ZC3H7B: variants seen among roughly 807,000 people sequenced by gnomAD.
ZC3H7B encodes zinc finger CCCH-type containing 7B.
A neutral mutation model predicts 116.0 loss-of-function variants in ZC3H7B; 35 were observed. The ratio of observed to expected loss-of-function variants is 0.30; its 90% CI spans 0.23 to 0.40. ZC3H7B has a LOEUF of 0.40. ZC3H7B is among the 10% of genes least tolerant of loss of function. The pLI, the probability that ZC3H7B is intolerant of heterozygous loss-of-function variation, is 1.00. For missense variants in ZC3H7B, 1,011 were observed against 1,321.5 expected, an observed-to-expected ratio of 0.77 and a Z score of 3.64; for synonymous variants, 502 against 545.6, an observed-to-expected ratio of 0.92 and a Z score of 1.11.
chr22:41,352,635 G>T (rs980180883), intron 17 of ZC3H7B, among the ~76,000 whole-genome samples: 2 of 150,498 alleles, frequency 1.3e-5, no homozygotes, highest in Non-Finnish European at 3.0e-5. Context: ...GGTGGCGGGC[G>T]CCTGTAGTCC....
At position 41,312,007 on chromosome 22, in the gene ZC3H7B, T is replaced by C. The variant is rs117078907; in HGVS notation, c.-6-8648T>C. Among the ~76,000 whole-genome samples, 134 of 152,160 alleles carry C rather than the reference T, an allele frequency of 8.8e-4. 13 individuals carry two copies. In the East Asian group the frequency reaches 0.026, roughly 29 times the overall value. ...AATCCTTTACTGGTAGACATTAAGGTTGCTTCTAGTTTTCCACTTACTCTT... is the reference window on the plus strand; with the variant it reads ...AATCCTTTACTGGTAGACATTAAGGCTGCTTCTAGTTTTCCACTTACTCTT... On this transcript the variant is annotated intron_variant, in intron 1 of 22. Coordinates refer to ENST00000352645, the MANE Select transcript of ZC3H7B (RefSeq NM_017590.6).
intron 3 of ZC3H7B, 43 bp from the exon 4 acceptor site, chr22:41,325,678 G>A (rs1379534296): frequency 1.9e-6 from 3 of 1,608,282 alleles, no homozygotes; most frequent in African/African-American, 1.3e-5. Context: ...GCCAGAGCTG[G>A]GGCCAGAGGT....
chr22:41,303,901 G>A (rs2036006500), intron 1 of ZC3H7B, among the ~76,000 whole-genome samples: 1 of 151,894 alleles, frequency 6.6e-6, no homozygotes, highest in Admixed American at 6.6e-5. Context: ...GGGACTACAG[G>A]CTCCCGCCAC....
rs1464022898 is a variant in ZC3H7B at position 41,351,086 on chromosome 22, G to A, written c.1949-475G>A. 6.6e-6 allele frequency among the ~76,000 whole-genome samples: 1 copy of A among 152,196 alleles called. No individual in the cohort carries two copies. Among genetic ancestry groups the A allele is most frequent in the Non-Finnish European group, 1.5e-5 (1 of 68,038 alleles). The stretch of plus-strand genomic sequence containing the variant: ...CCAGGCTGGGGTATTTGCCCTTTGG[G>A]GACTGGCAGTAAAGAGCCGTGGTAC... On this transcript the variant is annotated intron_variant, in intron 16 of 22. Transcript: ENST00000352645. This position sits in a 1 kb window ranked among gnomAD's most constrained non-coding sequence, Gnocchi z 5.1.
Position 41,347,721 on chromosome 22 carries a change from C to T in ZC3H7B, c.1666-346C>T, listed in dbSNP as rs566401251. ...CCAACCCCCCACAGGGAGCATTGGC[C>T]TGGGAATCATAGTTCATAGCCAGGT... On this transcript the variant is annotated intron_variant, in intron 14 of 22. Transcript: ENST00000352645. Among the ~76,000 whole-genome samples the T allele has an allele frequency of 9.8e-4, 149 of 152,286 alleles. 1 individual carries two copies. The highest frequency in any genetic ancestry group is 9.2e-3 in the Admixed American group (141 of 15,304).
Position 41,348,084 on chromosome 22 carries a change from A to G in ZC3H7B, c.1683A>G (p.Lys561=). 1 of 1,613,728 alleles carries G rather than the reference A, an allele frequency of 6.2e-7. No homozygotes were observed. Among genetic ancestry groups the G allele is most frequent in the Non-Finnish European group, 8.5e-7 (1 of 1,179,864 alleles). Residue 561 remains lysine (K), a synonymous_variant, in exon 15 of 23, where the codon AAA becomes AAG. Transcript: ENST00000352645. ...CTGGGCAGATCTGCTTTGACAGTAA[A>G]CCCCGGATCATCAGCAAAGGCACCA... The part of the protein sequence containing the change: ...TFLCEICFDS[K]PRIISKGTKD...
rs1315078508 is a variant in ZC3H7B, at chr22:41,312,807, A to T, written c.-6-7848A>T. Among the ~76,000 whole-genome samples the T allele has an allele frequency of 2.6e-5, 4 of 152,196 alleles. No homozygotes were observed. The East Asian group carries it at 7.7e-4, about 29-fold the overall frequency. On this transcript the variant is annotated intron_variant, in intron 1 of 22. Coordinates refer to ENST00000352645, the MANE Select transcript of ZC3H7B (RefSeq NM_017590.6). ...GTGCCTGTGGTCCCAGCTACTTGGG[A>T]GGCTGAGGTGGGAGGATCGCTTGAG...
rs71803158 is a variant in ZC3H7B at position 41,351,810 on chromosome 22, CATTTTATTTT to C, written c.2034+185_2034+194del. Among the ~76,000 whole-genome samples the C allele has an allele frequency of 1.1e-3, 160 of 150,648 alleles. No individual in the cohort carries two copies. The highest frequency in any genetic ancestry group is 3.4e-3 in the Middle Eastern group (1 of 292). The stretch of plus-strand genomic sequence containing the variant: ...ATGTACACATTCAGCTGTTGTGTCT[CATTTTATTTT>C]ATTTTATTTTATTTTATTTTGAGAC... On this transcript the variant is annotated intron_variant, in intron 17 of 22. Coordinates refer to ENST00000352645, the MANE Select transcript of ZC3H7B (RefSeq NM_017590.6). This position sits in a 1 kb window ranked among gnomAD's most constrained non-coding sequence, Gnocchi z 5.1.
In ZC3H7B at chr22:41,349,876, A is replaced by G. The variant is rs1000023413; in HGVS notation, c.1948+575A>G. 1.3e-5 allele frequency among the ~76,000 whole-genome samples: 2 copies of G among 152,228 alleles called. No individual in the cohort carries two copies. Among genetic ancestry groups the G allele is most frequent in the Non-Finnish European group, 1.5e-5 (1 of 68,034 alleles). ...ATATCAACAGGTGAATAAATCCTGT[A>G]TTCCATCCATTCTAGGATGCACATT... On this transcript the variant is annotated intron_variant, in intron 16 of 22. Coordinates refer to ENST00000352645, the MANE Select transcript of ZC3H7B (RefSeq NM_017590.6). The surrounding 1 kb of genome is among the most constrained non-coding windows in gnomAD (Gnocchi z 4.9).
In ZC3H7B at chr22:41,338,877, A is replaced by G; in HGVS notation, c.626-124A>G. On this transcript the variant is annotated intron_variant, in intron 8 of 22. Coordinates refer to ENST00000352645, the MANE Select transcript of ZC3H7B (RefSeq NM_017590.6). This position sits in a 1 kb window ranked among gnomAD's most constrained non-coding sequence, Gnocchi z 4.5. ...AGTGGGATCAGCCGATGGGGAAGGC[A>G]GGGCTCCTGGCAAGAGCTGAAAGAA... The G allele has an allele frequency of 8.9e-7, 1 of 1,126,958 alleles. No homozygotes were observed. Among genetic ancestry groups the G allele is most frequent in the South Asian group, 1.7e-5 (1 of 57,972 alleles). 69.8% of individuals were successfully genotyped at this position (1,126,958 alleles called of 1,614,324 possible). A position where few individuals can be genotyped will look rare whatever the true frequency, so the allele number is the denominator to read the frequency against.
In ZC3H7B at chr22:41,319,742, T is replaced by C. The variant is rs148755399; in HGVS notation, c.-6-913T>C. Among the ~76,000 whole-genome samples, 215 of 152,086 alleles carry C rather than the reference T, an allele frequency of 1.4e-3. 3 individuals carry two copies. The highest frequency in any genetic ancestry group is 5.1e-3 in the African/African-American group (210 of 41,502). ...GAACATATGCTCTAAAAGAAAGCCT[T>C]TGTTGGCTGAGCACAGTGGCTAACG... On this transcript the variant is annotated intron_variant, in intron 1 of 22. Transcript: ENST00000352645.
chr22:41,346,551 C>T lies in ZC3H7B; in HGVS notation c.1665+343C>T, dbSNP rs932239655. Among the ~76,000 whole-genome samples the T allele has an allele frequency of 6.6e-6, 1 of 152,198 alleles. No homozygotes were observed. The highest frequency in any genetic ancestry group is 1.5e-5 in the Non-Finnish European group (1 of 68,042). ...TCATTCCTAGCCTGATGCAGTGGCTCACGCCTGTAATCCCAGCACTTTGGG... is the reference window on the plus strand; with the variant it reads ...TCATTCCTAGCCTGATGCAGTGGCTTACGCCTGTAATCCCAGCACTTTGGG... On this transcript the variant is annotated intron_variant, in intron 14 of 22. Coordinates refer to ENST00000352645, the MANE Select transcript of ZC3H7B (RefSeq NM_017590.6). This position sits in a 1 kb window ranked among gnomAD's most constrained non-coding sequence, Gnocchi z 5.3.
rs1317368519 is a variant in ZC3H7B, at chr22:41,346,544, A to G, written c.1665+336A>G. 6.6e-6 allele frequency among the ~76,000 whole-genome samples: 1 copy of G among 152,210 alleles called. No homozygotes were observed. On this transcript the variant is annotated intron_variant, in intron 14 of 22. Transcript: ENST00000352645. This position sits in a 1 kb window ranked among gnomAD's most constrained non-coding sequence, Gnocchi z 5.3. ...TCGTTTCTCATTCCTAGCCTGATGC[A>G]GTGGCTCACGCCTGTAATCCCAGCA... is the stretch of plus-strand genomic sequence containing the variant.
At chr22:41,337,366 G>A (rs1036243576) in intron 7 of ZC3H7B, among the ~76,000 whole-genome samples, 1 of 151,616 alleles carries the variant, frequency 6.6e-6, no homozygotes, top group African/African-American at 2.4e-5. Context: ...AGCACTTCCT[G>A]TGTGCCAGGC....
chr22:41,310,115 G>T (rs1046583945), intron 1 of ZC3H7B, among the ~76,000 whole-genome samples: 2 of 152,168 alleles, frequency 1.3e-5, no homozygotes, highest in Non-Finnish European at 2.9e-5. Context: ...TGAGGCAGGA[G>T]AATGGTGTGA....
chr22:41,339,170 G>A lies in ZC3H7B; in HGVS notation c.795G>A (p.Leu265=). 1 of 1,611,450 alleles carries A rather than the reference G, an allele frequency of 6.2e-7. No individual in the cohort carries two copies. The highest frequency in any genetic ancestry group is 1.3e-5 in the African/African-American group (1 of 74,992). ...ACGGGGATGTCTTTGGCCCAGAGCT[G>A]GACACCCTCCTGGACTCGCTGGTGA... ...FSDGDVFGPE[L]DTLLDSLSLV... is the part of the protein sequence containing the mutation. Residue 265 remains leucine (L), a synonymous_variant, in exon 9 of 23, where the codon CTG becomes CTA. Coordinates refer to ENST00000352645, the MANE Select transcript of ZC3H7B (RefSeq NM_017590.6).
chr22:41,303,451 G>A (rs1373984068), intron 1 of ZC3H7B, among the ~76,000 whole-genome samples: 1 of 152,202 alleles, frequency 6.6e-6, no homozygotes, highest in Admixed American at 6.5e-5. Flanking sequence ...TAGGAAAGCT[G>A]AGATGTCGGT....
chr22:41,350,715 C>A (rs1204685449), intron 16 of ZC3H7B, among the ~76,000 whole-genome samples: 2 of 152,106 alleles, frequency 1.3e-5, no homozygotes, highest in Non-Finnish European at 2.9e-5. Flanking sequence ...GTCTGAGCTG[C>A]CTGGTGGACT....
chr22:41,320,742 G>A (rs1167931034), intron 2 of ZC3H7B, 29 bp downstream of exon 2: 11 of 1,612,992 alleles, frequency 6.8e-6, no homozygotes, highest in African/African-American at 2.7e-5. Context: ...GGGGCTGGAC[G>A]GCTGGGTGGG....
Sources: gnomAD v4.1 joint callset for allele counts (sites outside exome capture counted in the v4.1 genomes callset) on GRCh38, gnomAD v4.1.1 for gene constraint, Gnocchi (gnomAD v3.1) non-coding constraint, MANE v1.5 for transcripts, NCBI Gene and HGNC (gene_info 2026-07-23, HGNC 2026-07-21) for gene names.